Variants in CLSTN1 observed in about 807,000 individuals in gnomAD.
CLSTN1 encodes calsyntenin-1.
CLSTN1 carries 28 observed loss-of-function variants against 108.3 expected under a neutral mutation model. That is an observed-to-expected ratio of 0.26 (90% CI 0.19 to 0.35). The LOEUF (loss-of-function observed/expected upper bound fraction) is 0.35, where lower values mean the gene tolerates loss of function less well. CLSTN1 is among the 10% of genes least tolerant of loss of function. The pLI is 1.00. For missense variants in CLSTN1, 1,157 were observed against 1,302.6 expected (o/e 0.89, Z 1.72); for synonymous variants, 524 against 534.9 (o/e 0.98, Z 0.28).
At chr1:9,768,431 C>T (rs1386070557) in intron 2 of CLSTN1, among the ~76,000 whole-genome samples, 14 of 38,978 alleles carry the variant, frequency 3.6e-4, no homozygotes, top group South Asian at 8.6e-4. Context: ...GGGTTCTGTG[C>T]TGGGCGGCAC....
chr1:9,779,037 AAG>A lies in CLSTN1; in HGVS notation c.92-5645_92-5644del, dbSNP rs1553180249. Among the ~76,000 whole-genome samples the A allele has an allele frequency of 7.9e-4, 115 of 144,746 alleles. 1 individual carries two copies. Among genetic ancestry groups the A allele is most frequent in the African/African-American group, 2.4e-3 (94 of 38,422 alleles). The allele number at this position is 144,746 out of a possible 152,430, so 95.0% of individuals were successfully genotyped here. On this transcript the variant is annotated intron_variant, in intron 1 of 18. Transcript: ENST00000377298. Reference sequence around the variant, plus strand: ...AGACTTCGTCTCAAAAAAAAAAAAAAAGAAGAAGAAGAAGAAGAAGGCTGGCT... The same window carrying A: ...AGACTTCGTCTCAAAAAAAAAAAAAAAAGAAGAAGAAGAAGAAGGCTGGCT...
chr1:9,792,431 G>A (rs1294521230), intron 1 of CLSTN1, among the ~76,000 whole-genome samples: 1 of 151,442 alleles, frequency 6.6e-6, no homozygotes, highest in Admixed American at 6.7e-5. Context: ...AAAGGCTTTA[G>A]CACAATCCTT....
intron 1 of CLSTN1, among the ~76,000 whole-genome samples, chr1:9,797,984 C>T (rs1476013589): frequency 6.6e-6 from 1 of 151,740 alleles, no homozygotes; most frequent in Admixed American, 6.6e-5. Flanking sequence ...ATCCCAGCTA[C>T]TCGGGAGGCT....
At chr1:9,769,078 GA>G (rs1421025805) in intron 2 of CLSTN1, among the ~76,000 whole-genome samples, 1 of 145,102 alleles carries the variant, frequency 6.9e-6, no homozygotes, top group Non-Finnish European at 1.5e-5. Flanking sequence ...AGAGAGGAAG[GA>G]AAGGACAGAG....
At chr1:9,810,368 C>T (rs947807046) in intron 1 of CLSTN1, among the ~76,000 whole-genome samples, 9 of 146,314 alleles carry the variant, frequency 6.2e-5, no homozygotes, top group African/African-American at 2.3e-4. Context: ...CCCAGCTACT[C>T]GGGAGGCTGA....
At chr1:9,778,093 A>G (rs896657298) in intron 1 of CLSTN1, among the ~76,000 whole-genome samples, 4 of 152,082 alleles carry the variant, frequency 2.6e-5, no homozygotes, top group South Asian at 2.1e-4. Context: ...AATGGGGACA[A>G]TAATAGTCCC....
chr1:9,807,368 G>C (rs80194238), intron 1 of CLSTN1, among the ~76,000 whole-genome samples: 2,013 of 152,086 alleles, frequency 0.013, 28 homozygotes, highest in East Asian at 0.043. Context: ...ATTTACAAAC[G>C]ACAACTTCTA....
chr1:9,733,586 G>A (rs1249358197), intron 15 of CLSTN1, 40 bp from the exon 16 acceptor site: 2 of 1,611,020 alleles, frequency 1.2e-6, no homozygotes. Flanking sequence ...GGGTGGCTTA[G>A]GGCAGGAGCA....
At chr1:9,781,497 G>A (rs987829390) in intron 1 of CLSTN1, among the ~76,000 whole-genome samples, 1 of 151,260 alleles carries the variant, frequency 6.6e-6, no homozygotes, top group African/African-American at 2.4e-5. Flanking sequence ...AGGCTGGAGT[G>A]TAGTGGCGTG....
chr1:9,755,561 AAAAG>A (rs1422245470), intron 3 of CLSTN1, among the ~76,000 whole-genome samples: 5 of 152,316 alleles, frequency 3.3e-5, no homozygotes, highest in African/African-American at 1.2e-4. Context: ...GCAGGAATAC[AAAAG>A]AGAGAGAGAA....
intron 18 of CLSTN1, 156 bp downstream of exon 18, chr1:9,731,050 C>A: frequency 4.8e-6 from 4 of 839,978 alleles, no homozygotes; most frequent in Non-Finnish European, 7.7e-6. Context: ...TCTCTCTCAG[C>A]CTCGGTTTAC....
In CLSTN1 at chr1:9,731,421, G is replaced by T. The variant is rs747749413; in HGVS notation, c.2564-31C>A. 9 of 1,608,774 alleles carry T rather than the reference G, an allele frequency of 5.6e-6. No individual in the cohort carries two copies. The South Asian group carries it at 9.9e-5, about 18-fold the overall frequency. On this transcript the variant is annotated intron_variant, in intron 17 of 18. Transcript: ENST00000377298. ...GGAGAATGAGGGGGCGGGATGCGAG[G>T]TCACTCGGCCCAGAAGGCCACTGTG...
intron 10 of CLSTN1, among the ~76,000 whole-genome samples, chr1:9,739,326 C>T (rs1406705274): frequency 6.6e-6 from 1 of 152,226 alleles, no homozygotes; most frequent in African/African-American, 2.4e-5. Context: ...TTGGAACTTA[C>T]ACCACTGTTG....
chr1:9,778,266 A>G (rs1015503354), intron 1 of CLSTN1, among the ~76,000 whole-genome samples: 1 of 150,116 alleles, frequency 6.7e-6, no homozygotes, highest in Non-Finnish European at 1.5e-5. Context: ...ACACACACAC[A>G]CACGCAGACT....
At chr1:9,767,082 C>T (rs1358342432) in intron 2 of CLSTN1, among the ~76,000 whole-genome samples, 1 of 152,190 alleles carries the variant, frequency 6.6e-6, no homozygotes, top group Non-Finnish European at 1.5e-5. Flanking sequence ...CTCATCTCCT[C>T]CCTCTACAAA....
intron 1 of CLSTN1, among the ~76,000 whole-genome samples, chr1:9,792,318 T>C (rs549164775): frequency 6.6e-6 from 1 of 151,606 alleles, no homozygotes; most frequent in South Asian, 2.2e-4. Context: ...ACAACTCTCA[T>C]ATGCCATGGC....
chr1:9,746,992 C>T (rs1651298571), intron 7 of CLSTN1, among the ~76,000 whole-genome samples: 2 of 151,482 alleles, frequency 1.3e-5, no homozygotes, highest in Admixed American at 6.6e-5. Context: ...CGAGCCTCGC[C>T]AACATGGTGA....
At chr1:9,787,569 A>T (rs1415880503) in intron 1 of CLSTN1, among the ~76,000 whole-genome samples, 1 of 150,762 alleles carries the variant, frequency 6.6e-6, no homozygotes, top group Non-Finnish European at 1.5e-5. Flanking sequence ...GTGCCCGGCT[A>T]ATTTTTTGTG....
intron 13 of CLSTN1, 101 bp from the exon 14 acceptor site, chr1:9,735,275 C>T: frequency 1.4e-6 from 2 of 1,411,508 alleles, no homozygotes; most frequent in Non-Finnish European, 2.0e-6. Context: ...CCCCCACTAA[C>T]ACCTGCCGGG....
Sources: allele counts gnomAD v4.1 joint callset (sites outside exome capture counted in the v4.1 genomes callset), GRCh38; gene constraint gnomAD v4.1.1; transcripts MANE v1.5; gene names NCBI Gene and HGNC (gene_info 2026-07-23, HGNC 2026-07-21).